NALF1: variants seen among roughly 807,000 people sequenced by gnomAD.
NALF1 encodes the protein family with sequence similarity 155 member A.
In NALF1, 3 loss-of-function variants were observed where a neutral mutation model predicts 48.4. The observed-to-expected ratio is 0.06, with a 90% CI of 0.03 to 0.16. The LOEUF (loss-of-function observed/expected upper bound fraction) is 0.16, where lower values mean the gene tolerates loss of function less well. Ranked by LOEUF, NALF1 falls within the 10% of genes least tolerant of loss-of-function variation. NALF1 has a pLI of 1.00. For missense variants in NALF1, 526 were observed against 571.5 expected (o/e 0.92, Z 0.81); for synonymous variants, 262 against 245.7 (o/e 1.07, Z -0.62).
intron 1 of NALF1, among the ~76,000 whole-genome samples, chr13:107,817,494 C>G (rs1239291269): frequency 6.6e-6 from 1 of 152,190 alleles, no homozygotes; most frequent in African/African-American, 2.4e-5. Context: ...ATCATTCACT[C>G]TAGGGAGTGC....
intron 1 of NALF1, among the ~76,000 whole-genome samples, chr13:107,621,726 A>C (rs1879521842): frequency 1.3e-5 from 2 of 152,162 alleles, no homozygotes; most frequent in South Asian, 4.1e-4. Context: ...AAACACAATA[A>C]TCCATGAGAA....
chr13:107,434,397 T>C (rs1033780061), intron 1 of NALF1, among the ~76,000 whole-genome samples: 9 of 152,174 alleles, frequency 5.9e-5, no homozygotes, highest in Non-Finnish European at 1.3e-4. Flanking sequence ...AGACGGAGAA[T>C]AGGTGTAGTT....
intron 1 of NALF1, among the ~76,000 whole-genome samples, chr13:107,764,547 G>A (rs1482138150): frequency 3.3e-5 from 5 of 152,080 alleles, no homozygotes. Context: ...TCTTATCCAG[G>A]TGACACTAAG....
intron 2 of NALF1, among the ~76,000 whole-genome samples, chr13:107,171,740 A>C (rs189371632): frequency 6.5e-4 from 99 of 152,348 alleles, no homozygotes; most frequent in Non-Finnish European, 1.2e-3. Flanking sequence ...AAGCTATATA[A>C]GTCATAGTGT....
chr13:107,606,977 A>T (rs563047681), intron 1 of NALF1, among the ~76,000 whole-genome samples: 1 of 152,204 alleles, frequency 6.6e-6, no homozygotes, highest in Non-Finnish European at 1.5e-5. Flanking sequence ...GCTGCTTATA[A>T]TTGGAGGTAA....
intron 1 of NALF1, among the ~76,000 whole-genome samples, chr13:107,547,675 C>T: frequency 6.6e-6 from 1 of 152,160 alleles, no homozygotes; most frequent in Non-Finnish European, 1.5e-5. Flanking sequence ...GGCTCACACA[C>T]ACTGTCCTTG....
intron 1 of NALF1, among the ~76,000 whole-genome samples, chr13:107,525,098 T>C (rs1447031331): frequency 6.6e-6 from 1 of 152,148 alleles, no homozygotes; most frequent in East Asian, 1.9e-4. Flanking sequence ...CAAGAAACTA[T>C]ATGAACCCCT....
At position 107,167,085 on chromosome 13, in the gene NALF1, C is replaced by T. The variant is rs546582223; in HGVS notation, c.*3412G>A. ...TTGCCATTTAGCTTAGCAGTACCAA[C>T]ATATTCCAGAAACTGAAATTTCTCT... On this transcript the variant is annotated 3_prime_UTR_variant, in exon 3 of 3. Coordinates refer to ENST00000375915, the MANE Select transcript of NALF1 (RefSeq NM_001080396.3). The T allele has an allele frequency of 6.6e-6, 1 of 152,312 alleles. No individual in the cohort carries two copies. Among genetic ancestry groups the T allele is most frequent in the South Asian group, 2.1e-4 (1 of 4,830 alleles). 9.4% of individuals were successfully genotyped at this position (152,312 alleles called of 1,614,324 possible). A position where few individuals can be genotyped will look rare whatever the true frequency, so the allele number is the denominator to read the frequency against.
chr13:107,652,540 C>T (rs1211987334), intron 1 of NALF1, among the ~76,000 whole-genome samples: 3 of 152,056 alleles, frequency 2.0e-5, no homozygotes, highest in Non-Finnish European at 1.5e-5. Flanking sequence ...TTATTTTGCA[C>T]ACAGAAGTCA....
chr13:107,239,343 T>C (rs1880418098), intron 1 of NALF1, among the ~76,000 whole-genome samples: 1 of 152,146 alleles, frequency 6.6e-6, no homozygotes, highest in South Asian at 2.1e-4. Context: ...CCCTCAGTGC[T>C]CCCTGGTTTG....
At chr13:107,428,301 C>G (rs1475283883) in intron 1 of NALF1, among the ~76,000 whole-genome samples, 1 of 152,126 alleles carries the variant, frequency 6.6e-6, no homozygotes, top group Non-Finnish European at 1.5e-5. Context: ...AAGCCTCATG[C>G]CCGAGGTTGC....
intron 1 of NALF1, among the ~76,000 whole-genome samples, chr13:107,258,759 G>A (rs1880870719): frequency 6.6e-6 from 1 of 151,882 alleles, no homozygotes; most frequent in Admixed American, 6.6e-5. Flanking sequence ...ATGATGAGTG[G>A]CCTACAAAAG....
At chr13:107,707,157 C>T (rs1427708911) in intron 1 of NALF1, among the ~76,000 whole-genome samples, 1 of 151,730 alleles carries the variant, frequency 6.6e-6, no homozygotes, top group South Asian at 2.1e-4. Flanking sequence ...CTCCTGACCT[C>T]GTGATCCGCC....
At chr13:107,390,567 C>T (rs1026979852) in intron 1 of NALF1, among the ~76,000 whole-genome samples, 3 of 151,812 alleles carry the variant, frequency 2.0e-5, no homozygotes, top group African/African-American at 4.8e-5. Context: ...GGCGACAGAG[C>T]GAGGCTCCAT....
intron 1 of NALF1, among the ~76,000 whole-genome samples, chr13:107,632,133 C>T (rs1657445702): frequency 6.6e-6 from 1 of 152,072 alleles, no homozygotes; most frequent in Admixed American, 6.6e-5. Context: ...GTTTAATGTG[C>T]CACATCAGGG....
At chr13:107,368,375 G>A (rs1184668905) in intron 1 of NALF1, among the ~76,000 whole-genome samples, 1 of 148,836 alleles carries the variant, frequency 6.7e-6, no homozygotes, top group African/African-American at 2.5e-5. Context: ...GGAGTGCAAT[G>A]GCCCAATCTC....
At chr13:107,845,711 T>C (rs1338744911) in intron 1 of NALF1, among the ~76,000 whole-genome samples, 1 of 152,172 alleles carries the variant, frequency 6.6e-6, no homozygotes, top group South Asian at 2.1e-4. Context: ...CTCCAAAATA[T>C]TGCTAAACAC....
At chr13:107,507,512 GC>G (rs1040250373) in intron 1 of NALF1, among the ~76,000 whole-genome samples, 3 of 141,234 alleles carry the variant, frequency 2.1e-5, no homozygotes, top group African/African-American at 8.0e-5. Flanking sequence ...ATCGTTAAAA[GC>G]CCATATCACA....
At chr13:107,514,264 C>A (rs763974179) in intron 1 of NALF1, among the ~76,000 whole-genome samples, 1 of 152,120 alleles carries the variant, frequency 6.6e-6, no homozygotes, top group African/African-American at 2.4e-5. Context: ...ATCCTTCCAA[C>A]TAAGAACTTA....
Sources: gnomAD v4.1 joint callset for allele counts (sites outside exome capture counted in the v4.1 genomes callset) on GRCh38, gnomAD v4.1.1 for gene constraint, MANE v1.5 for transcripts, NCBI Gene and HGNC (gene_info 2026-07-23, HGNC 2026-07-21) for gene names.